The following NALCN variants were observed in gnomAD, a reference collection of about 807,000 sequenced individuals.
The protein encoded by NALCN is sodium leak channel, non-selective, also known as sodium leak channel NALCN.
Under a neutral mutation model 225.3 loss-of-function variants are expected in NALCN, and 111 were observed. The ratio of observed to expected loss-of-function variants is 0.49; its 90% CI spans 0.42 to 0.58. The LOEUF (loss-of-function observed/expected upper bound fraction) is 0.58, where lower values mean the gene tolerates loss of function less well. NALCN is among the 20% of genes least tolerant of loss of function. The pLI is 0.00. For missense variants in NALCN, 1,378 were observed against 2,202.4 expected, an observed-to-expected ratio of 0.63 and a Z score of 7.49; for synonymous variants, 764 against 769.0, an observed-to-expected ratio of 0.99 and a Z score of 0.11.
At chr13:101,165,930 C>A (rs9518317) in intron 15 of NALCN, among the ~76,000 whole-genome samples, 46,818 of 152,200 alleles carry the variant, frequency 0.31, 7,959 homozygotes, top group South Asian at 0.41. Context: ...CCTGGCAACT[C>A]TCATTCTGTC....
chr13:101,250,987 A>C (rs1257729686), intron 11 of NALCN, among the ~76,000 whole-genome samples: 1 of 152,118 alleles, frequency 6.6e-6, no homozygotes, highest in Non-Finnish European at 1.5e-5. Context: ...AAACTTAAAA[A>C]TCCTGAACAA....
intron 25 of NALCN, among the ~76,000 whole-genome samples, chr13:101,103,873 A>G (rs1179792670): frequency 3.9e-5 from 6 of 152,316 alleles, no homozygotes; most frequent in Non-Finnish European, 8.8e-5. Context: ...TATGCAATGG[A>G]ATCAGGAGAG....
chr13:101,122,413 C>A (rs2036023110), intron 18 of NALCN, among the ~76,000 whole-genome samples: 1 of 152,064 alleles, frequency 6.6e-6, no homozygotes, highest in Non-Finnish European at 1.5e-5. Context: ...TGCTGGGCTG[C>A]AGTAAAATAT....
chr13:101,101,647 G>A (rs1161051723), intron 26 of NALCN, among the ~76,000 whole-genome samples: 7 of 152,146 alleles, frequency 4.6e-5, no homozygotes, highest in African/African-American at 1.7e-4. Context: ...TTGTAACTGT[G>A]AAGGTGTGCG....
chr13:101,128,887 A>G (rs534360388), intron 17 of NALCN, among the ~76,000 whole-genome samples: 1 of 152,202 alleles, frequency 6.6e-6, no homozygotes, highest in Admixed American at 6.5e-5. Flanking sequence ...ATTTTGCTGA[A>G]AGCACACTCT....
chr13:101,381,401 G>A (rs1241694059), intron 3 of NALCN, among the ~76,000 whole-genome samples: 1 of 152,040 alleles, frequency 6.6e-6, no homozygotes, highest in African/African-American at 2.4e-5. Context: ...TTGTGTTAAA[G>A]ATCTCACAGA....
intron 15 of NALCN, among the ~76,000 whole-genome samples, chr13:101,159,932 GTTTTTTGTTA>G (rs772623675): frequency 2.0e-5 from 3 of 148,662 alleles, no homozygotes; most frequent in Non-Finnish European, 4.5e-5. Context: ...GGTTTTTTTT[GTTTTTTGTTA>G]TTTTTTGTTA....
At chr13:101,072,455 A>G (rs748857584) in intron 37 of NALCN, among the ~76,000 whole-genome samples, 2 of 152,250 alleles carry the variant, frequency 1.3e-5, no homozygotes, top group Non-Finnish European at 2.9e-5. Context: ...TACAGGCTCT[A>G]TAAAATGCCG....
chr13:101,319,376 T>G (rs146772206), intron 7 of NALCN, among the ~76,000 whole-genome samples: 301 of 152,288 alleles, frequency 2.0e-3, no homozygotes, highest in African/African-American at 6.5e-3. Flanking sequence ...GTGGAAGCAC[T>G]GATTTGACTC....
intron 7 of NALCN, among the ~76,000 whole-genome samples, chr13:101,332,397 C>CAAAAAAAAAAAAA (rs753158247): frequency 8.6e-5 from 5 of 57,826 alleles, no homozygotes; most frequent in East Asian, 4.4e-4. Flanking sequence ...TTCACAAAGC[C>CAAAAAAAAAAAAA]AAAAAAAAAA....
intron 26 of NALCN, 104 bp from the exon 27 acceptor site, chr13:101,100,992 A>C: frequency 1.1e-6 from 1 of 898,008 alleles, no homozygotes; most frequent in Non-Finnish European, 1.6e-6. Context: ...ATTGTATAAA[A>C]ATCATGGGTT....
At chr13:101,118,240 CA>C (rs1296100820) in intron 18 of NALCN, among the ~76,000 whole-genome samples, 4 of 151,872 alleles carry the variant, frequency 2.6e-5, no homozygotes, top group Non-Finnish European at 4.4e-5. Context: ...TAAAACTGCT[CA>C]AAAAATAGTC....
intron 7 of NALCN, among the ~76,000 whole-genome samples, chr13:101,316,794 A>G (rs1359858762): frequency 6.6e-6 from 1 of 152,172 alleles, no homozygotes; most frequent in Non-Finnish European, 1.5e-5. Context: ...CATCCACTCT[A>G]ATCCTTACAA....
At chr13:101,379,179 G>A (rs1276555610) in intron 3 of NALCN, among the ~76,000 whole-genome samples, 2 of 152,108 alleles carry the variant, frequency 1.3e-5, no homozygotes, top group Non-Finnish European at 2.9e-5. Flanking sequence ...ACCATCTCAC[G>A]CCAGTTTAAT....
At chr13:101,326,797 T>C (rs2044968539) in intron 7 of NALCN, among the ~76,000 whole-genome samples, 1 of 152,230 alleles carries the variant, frequency 6.6e-6, no homozygotes, top group African/African-American at 2.4e-5. Context: ...GTGATTCTTC[T>C]GCTGATCTCA....
intron 7 of NALCN, among the ~76,000 whole-genome samples, chr13:101,338,155 C>G (rs572426983): frequency 6.6e-6 from 1 of 152,280 alleles, no homozygotes; most frequent in Non-Finnish European, 1.5e-5. Flanking sequence ...GCTTTACCTT[C>G]GACTTTTGAA....
chr13:101,305,515 T>C (rs1270742350), intron 7 of NALCN, among the ~76,000 whole-genome samples: 3 of 152,222 alleles, frequency 2.0e-5, no homozygotes, highest in African/African-American at 7.2e-5. Flanking sequence ...TTAACCCTTA[T>C]GTTTTGACCT....
At chr13:101,208,220 G>A (rs1420184569) in intron 13 of NALCN, among the ~76,000 whole-genome samples, 1 of 152,002 alleles carries the variant, frequency 6.6e-6, no homozygotes, top group Non-Finnish European at 1.5e-5. Context: ...CCCGACGGGA[G>A]GAACAAACAA....
chr13:101,318,679 T>G (rs577944782), intron 7 of NALCN, among the ~76,000 whole-genome samples: 1 of 152,310 alleles, frequency 6.6e-6, no homozygotes, highest in Non-Finnish European at 1.5e-5. Context: ...TATATGCAAC[T>G]AAGGAAATCC....
Sources: allele counts gnomAD v4.1 joint callset (sites outside exome capture counted in the v4.1 genomes callset), GRCh38; gene constraint gnomAD v4.1.1; transcripts MANE v1.5; gene names NCBI Gene and HGNC (gene_info 2026-07-23, HGNC 2026-07-21).